The following SLIT3 variants were observed in gnomAD, a reference collection of about 807,000 sequenced individuals.
The protein encoded by SLIT3 is slit guidance ligand 3.
A neutral mutation model predicts 184.0 loss-of-function variants in SLIT3; 68 were observed. The ratio of observed to expected loss-of-function variants is 0.37; its 90% CI spans 0.30 to 0.45. The LOEUF is 0.45. Ranked by LOEUF, SLIT3 falls within the 20% of genes least tolerant of loss-of-function variation. The pLI, the probability that SLIT3 is intolerant of heterozygous loss-of-function variation, is 1.00. For missense variants in SLIT3, 1,707 were observed against 2,026.0 expected (o/e 0.84, Z 3.02); for synonymous variants, 831 against 828.6 (o/e 1.00, Z -0.05).
intron 3 of SLIT3, among the ~76,000 whole-genome samples, chr5:169,228,460 C>T (rs17556779): frequency 0.047 from 7,204 of 152,170 alleles, 190 homozygotes; most frequent in Admixed American, 0.058. Context: ...AGTAATGACA[C>T]GGGTGCCGTC....
Position 168,868,747 on chromosome 5 carries a change from C to CAAAAAAAA in SLIT3, c.485+14510_485+14517dup, listed in dbSNP as rs375837097. Reference sequence around the variant, plus strand: ...CGGGTGGCAGTGTGGGAATCTGCCTCAAAAAAAAAAAAAAAAAAAGAAAAA... The same window carrying CAAAAAAAA: ...CGGGTGGCAGTGTGGGAATCTGCCTCAAAAAAAAAAAAAAAAAAAAAAAAAAAGAAAAA... On this transcript the variant is annotated intron_variant, in intron 5 of 35. Transcript: ENST00000519560. Among the ~76,000 whole-genome samples the CAAAAAAAA allele has an allele frequency of 9.4e-4, 65 of 69,264 alleles. 1 individual carries two copies. Among genetic ancestry groups the CAAAAAAAA allele is most frequent in the African/African-American group, 2.8e-3 (51 of 18,474 alleles). 45.4% of individuals were successfully genotyped at this position (69,264 alleles called of 152,430 possible).
chr5:169,118,339 G>T (rs1277538447), intron 4 of SLIT3, among the ~76,000 whole-genome samples: 1 of 152,222 alleles, frequency 6.6e-6, no homozygotes, highest in Non-Finnish European at 1.5e-5. Context: ...TGTGCTGGGG[G>T]TGGAGCTAAG....
chr5:168,746,334 A>T (rs746784194), intron 20 of SLIT3, among the ~76,000 whole-genome samples: 15,349 of 60,588 alleles, frequency 0.25, 1,259 homozygotes, highest in Middle Eastern at 0.4. Context: ...GTGGTGTGTG[A>T]GTGTGGTGGT....
chr5:169,017,011 T>C (rs756508649), intron 4 of SLIT3, among the ~76,000 whole-genome samples: 1 of 152,200 alleles, frequency 6.6e-6, no homozygotes, highest in Non-Finnish European at 1.5e-5. Context: ...AGCTCCATAC[T>C]GTGCTGTTCC....
At chr5:168,998,849 C>G (rs762910163) in intron 4 of SLIT3, among the ~76,000 whole-genome samples, 16 of 152,074 alleles carry the variant, frequency 1.1e-4, no homozygotes, top group Non-Finnish European at 1.9e-4. Context: ...TGGGCCCTAC[C>G]CCAGTCCCAC....
chr5:168,975,210 A>G (rs1218682964), intron 4 of SLIT3, among the ~76,000 whole-genome samples: 2 of 152,094 alleles, frequency 1.3e-5, no homozygotes, highest in Non-Finnish European at 2.9e-5. Flanking sequence ...AGGAGCAAGT[A>G]AAGTGGACGC....
At chr5:169,135,849 G>T (rs1009866665) in intron 4 of SLIT3, among the ~76,000 whole-genome samples, 1 of 152,164 alleles carries the variant, frequency 6.6e-6, no homozygotes, top group Admixed American at 6.5e-5. Context: ...TTCTAAGTAG[G>T]ATAGAATCAC....
intron 12 of SLIT3, among the ~76,000 whole-genome samples, chr5:168,783,069 G>A (rs1272593570): frequency 6.6e-6 from 1 of 152,188 alleles, no homozygotes; most frequent in Non-Finnish European, 1.5e-5. Flanking sequence ...ACGAGTGACA[G>A]AAGGATTTGT....
intron 4 of SLIT3, among the ~76,000 whole-genome samples, chr5:169,021,778 A>G (rs751267713): frequency 5.9e-5 from 9 of 152,234 alleles, no homozygotes; most frequent in Non-Finnish European, 2.9e-5. Flanking sequence ...AGGATAGCAT[A>G]GAGAATAAAG....
At chr5:168,669,558 C>T (rs1055477400) in intron 35 of SLIT3, among the ~76,000 whole-genome samples, 11 of 152,328 alleles carry the variant, frequency 7.2e-5, no homozygotes, top group African/African-American at 2.6e-4. Context: ...TGGTTTTGAA[C>T]TGCTATGGTT....
intron 4 of SLIT3, among the ~76,000 whole-genome samples, chr5:169,052,545 C>T (rs753036002): frequency 3.3e-5 from 5 of 152,152 alleles, no homozygotes; most frequent in Admixed American, 1.3e-4. Flanking sequence ...AGCGAGGCCA[C>T]GTAAGACTTC....
chr5:168,842,869 T>G (rs944589234), intron 6 of SLIT3, among the ~76,000 whole-genome samples: 1 of 152,174 alleles, frequency 6.6e-6, no homozygotes, highest in African/African-American at 2.4e-5. Context: ...TCTTTCTCAT[T>G]CTCTCTGTCA....
chr5:169,029,880 C>A (rs1450168282), intron 4 of SLIT3, among the ~76,000 whole-genome samples: 1 of 152,204 alleles, frequency 6.6e-6, no homozygotes, highest in Non-Finnish European at 1.5e-5. Context: ...CATGAGGCTC[C>A]ATTAATCCAG....
At chr5:168,966,152 TAC>T (rs1163947055) in intron 4 of SLIT3, among the ~76,000 whole-genome samples, 1 of 152,200 alleles carries the variant, frequency 6.6e-6, no homozygotes, top group Non-Finnish European at 1.5e-5. Flanking sequence ...AATTAAACTC[TAC>T]AGTTATCTGA....
intron 4 of SLIT3, among the ~76,000 whole-genome samples, chr5:169,174,948 T>C (rs1367985343): frequency 1.7e-5 from 1 of 59,748 alleles, no homozygotes; most frequent in African/African-American, 8.3e-5. Context: ...CTTTGCTCTT[T>C]TCACAACTGT....
chr5:169,163,187 G>A, intron 4 of SLIT3, among the ~76,000 whole-genome samples: 1 of 152,108 alleles, frequency 6.6e-6, no homozygotes, highest in Non-Finnish European at 1.5e-5. Flanking sequence ...TGGGCATGGT[G>A]GTGTGTGCCT....
intron 4 of SLIT3, among the ~76,000 whole-genome samples, chr5:168,889,742 T>C (rs1760370522): frequency 6.6e-6 from 1 of 152,214 alleles, no homozygotes; most frequent in Admixed American, 6.5e-5. Flanking sequence ...GAAAAGTGGA[T>C]AGTCCTAAGT....
At chr5:168,747,006 G>GGATGT (rs1443743724) in intron 20 of SLIT3, among the ~76,000 whole-genome samples, 7 of 150,830 alleles carry the variant, frequency 4.6e-5, no homozygotes, top group Non-Finnish European at 8.9e-5. Flanking sequence ...TGTGTGGTGT[G>GGATGT]GTGGTGTGTG....
chr5:168,907,973 T>G (rs184325961), intron 4 of SLIT3, among the ~76,000 whole-genome samples: 16,991 of 64,626 alleles, frequency 0.26, 1,951 homozygotes, highest in Non-Finnish European at 0.29. Flanking sequence ...TATATATATA[T>G]ATATATAGAG....
Sources: gnomAD v4.1 joint callset for allele counts (sites outside exome capture counted in the v4.1 genomes callset) on GRCh38, gnomAD v4.1.1 for gene constraint, MANE v1.5 for transcripts, NCBI Gene and HGNC (gene_info 2026-07-23, HGNC 2026-07-21) for gene names.